Variants in MUC12 observed in about 807,000 individuals in gnomAD.
MUC12 encodes mucin 12, cell surface associated, also known as mucin-12.
In MUC12, 172 loss-of-function variants were observed where a neutral mutation model predicts 230.8. The observed-to-expected ratio is 0.75, with a 90% CI of 0.66 to 0.85. The LOEUF is 0.85. MUC12 is among the 40% of genes least tolerant of loss of function. MUC12 has a pLI of 0.00. For synonymous variants in MUC12, 1,259 were observed against 2,401.9 expected, an observed-to-expected ratio of 0.52 and a Z score of 13.91; for missense variants, 3,506 against 5,920.6, an observed-to-expected ratio of 0.59 and a Z score of 13.38.
Position 101,017,643 on chromosome 7 carries a change from A to G in MUC12, c.15946A>G (p.Thr5316Ala). 1 of 1,535,660 alleles carries G rather than the reference A, an allele frequency of 6.5e-7. No individual in the cohort carries two copies. ...CAACAACTTCCGGCCCACCCTGGAG[A>G]CTGTTGACTCTGGCACAGAGGTGAC... ...AYNNFRPTLE[T>A]VDSGTELHIQ... is the part of the protein sequence containing the mutation. The change falls in exon 11 of 12, where the codon ACT (threonine) becomes GCT (alanine). Residue 5316 changes from threonine (T) to alanine (A), a missense_variant. Thr to Ala is a moderately conservative substitution (Grantham distance 58, BLOSUM62 0). Transcript: ENST00000536621.
rs1288171785 is a variant in MUC12, at chr7:100,995,717, C to T, written c.5154C>T (p.Gly1718=). The T allele has an allele frequency of 2.6e-6, 4 of 1,536,430 alleles. No homozygotes were observed. Among genetic ancestry groups the T allele is most frequent in the Middle Eastern group, 1.7e-4 (1 of 5,982 alleles). The change falls in exon 2 of 12, where the codon GGC becomes GGT. Residue 1718 remains glycine, a synonymous_variant. Transcript: ENST00000536621. The part of the protein sequence containing the change: ...AFVELSTTSH[G]SPSSTPTTHF... ...TTGAGCTATCTACAACCTCCCACGG[C>T]AGCCCGAGCTCAACTCCAACAACCC...
chr7:100,992,226 A>T lies in MUC12; in HGVS notation c.1663A>T (p.Ser555Cys), dbSNP rs1338914025. The T allele has an allele frequency of 6.5e-7, 1 of 1,537,286 alleles. No homozygotes were observed. The highest frequency in any genetic ancestry group is 2.0e-5 in the Admixed American group (1 of 50,976). Residue 555 changes from serine (S) to cysteine (C), a missense_variant, in exon 2 of 12, where the codon AGC (serine) becomes TGC (cysteine). Transcript: ENST00000536621. ...LSQESTASHSSPGPTDTTLSP... is the reference protein window; with the variant it reads ...LSQESTASHSCPGPTDTTLSP... ...TCAGGAATCTACAGCTTCCCACAGC[A>T]GCCCAGGCCCCACAGACACAACATT...
At chr7:100,970,126 G>A (rs1400478499) in intron 1 of MUC12, among the ~76,000 whole-genome samples, 1 of 152,308 alleles carries the variant, frequency 6.6e-6, no homozygotes, top group African/African-American at 2.4e-5. Flanking sequence ...GTCCAGAGGG[G>A]TGTGTGACAG....
In MUC12 at chr7:100,991,968, C is replaced by A; in HGVS notation, c.1405C>A (p.Pro469Thr). 2.0e-6 allele frequency: 3 copies of A among 1,537,956 alleles called. No homozygotes were observed. Among genetic ancestry groups the A allele is most frequent in the Non-Finnish European group, 2.6e-6 (3 of 1,147,078 alleles). ...SVLVGDSTPS[P>T]ISSGSMETTA... Reference sequence around the variant, plus strand: ...TCTTGTTGGAGACTCGACGCCCTCACCCATCAGTTCAGGCTCAATGGAAAC... The same window carrying A: ...TCTTGTTGGAGACTCGACGCCCTCAACCATCAGTTCAGGCTCAATGGAAAC... The change falls in exon 2 of 12, where the codon CCC becomes ACC. Residue 469 changes from proline to threonine, a missense_variant. Coordinates refer to ENST00000536621, the MANE Select transcript of MUC12 (RefSeq NM_001164462.2).
chr7:101,016,704 G>T (rs966354529), intron 10 of MUC12, among the ~76,000 whole-genome samples: 1 of 140,180 alleles, frequency 7.1e-6, no homozygotes, highest in African/African-American at 2.6e-5. Flanking sequence ...GGGGGTGGGG[G>T]GAGGGAGAGG....
At chr7:100,985,697 G>A (rs1401955032) in intron 1 of MUC12, among the ~76,000 whole-genome samples, 1 of 152,140 alleles carries the variant, frequency 6.6e-6, no homozygotes, top group Non-Finnish European at 1.5e-5. Flanking sequence ...TTTTCCTGTG[G>A]GTGCAGAAAG....
At position 101,004,509 on chromosome 7, in the gene MUC12, C is replaced by G. The variant is rs1182174057; in HGVS notation, c.13946C>G (p.Ser4649Cys). The G allele has an allele frequency of 3.9e-6, 6 of 1,535,492 alleles. No individual in the cohort carries two copies. Among genetic ancestry groups the G allele is most frequent in the Non-Finnish European group, 5.2e-6 (6 of 1,146,352 alleles). ...ATATCTTCACCTCCTAGCACCACAT[C>G]TGCCCTTGTTGAAGAACCTACCAGC... ...HTISSPPSTT[S>C]ALVEEPTSYH... Residue 4649 changes from serine (S) to cysteine (C), a missense_variant, in exon 2 of 12, where the codon TCT becomes TGT. Coordinates refer to ENST00000536621, the MANE Select transcript of MUC12 (RefSeq NM_001164462.2).
Position 101,014,026 on chromosome 7 carries a change from T to C in MUC12, c.15752T>C (p.Leu5251Ser), listed in dbSNP as rs777830151. The change falls in exon 9 of 12, where the codon TTG (leucine) becomes TCG (serine). Residue 5251 changes from leucine (L) to serine (S), a missense_variant. Physicochemically the swap from Leu to Ser is moderately radical, Grantham distance 145. Coordinates refer to ENST00000536621, the MANE Select transcript of MUC12 (RefSeq NM_001164462.2). ...GTGATGGCGGTGCTGCTGCTCGCATTGATCATCCTAATCATCTTATTCAGC... is the reference window on the plus strand; with the variant it reads ...GTGATGGCGGTGCTGCTGCTCGCATCGATCATCCTAATCATCTTATTCAGC... Reference protein sequence around the residue: ...GAVMAVLLLALIILIILFSLS... With the variant: ...GAVMAVLLLASIILIILFSLS... 3.3e-6 allele frequency: 5 copies of C among 1,536,878 alleles called. No homozygotes were observed. The South Asian group carries it at 4.8e-5, about 15-fold the overall frequency.
Position 101,004,692 on chromosome 7 carries a change from A to C in MUC12, c.14129A>C (p.Glu4710Ala). ...TTTACTACCTCAGGCCGCATTGCAG[A>C]ATCTACCACCTTCTATATCTCTCCA... ...AHFTTSGRIA[E>A]STTFYISPGS... Residue 4710 changes from glutamate (E) to alanine (A), a missense_variant, in exon 2 of 12, where the codon GAA (glutamate) becomes GCA (alanine). Coordinates refer to ENST00000536621, the MANE Select transcript of MUC12 (RefSeq NM_001164462.2). 5 of 1,537,906 alleles carry C rather than the reference A, an allele frequency of 3.3e-6. No individual in the cohort carries two copies. Among genetic ancestry groups the C allele is most frequent in the Non-Finnish European group, 4.4e-6 (5 of 1,147,056 alleles).
intron 5 of MUC12, among the ~76,000 whole-genome samples, chr7:101,010,921 A>T (rs565325847): frequency 1.9e-4 from 29 of 152,180 alleles, no homozygotes; most frequent in Non-Finnish European, 4.0e-4. Flanking sequence ...AATTGCTGGG[A>T]TTACAAGCGT....
rs1793300380 is a variant in MUC12 at position 100,991,508 on chromosome 7, C to A, written c.945C>A (p.Thr315=). ...GCAGCCCGAGCTCAACTCCAACAAC[C>A]CACTTTTCTGCCAGCTCCACAACCT... ...YHSSPSSTPT[T]HFSASSTTLG... Residue 315 remains threonine (T), a synonymous_variant, in exon 2 of 12, where the codon ACC becomes ACA. Transcript: ENST00000536621. The A allele has an allele frequency of 5.2e-6, 8 of 1,536,832 alleles. No homozygotes were observed. The highest frequency in any genetic ancestry group is 7.0e-6 in the Non-Finnish European group (8 of 1,146,470).
At chr7:101,009,984 T>G (rs1793816161) in intron 5 of MUC12, among the ~76,000 whole-genome samples, 4 of 152,174 alleles carry the variant, frequency 2.6e-5, no homozygotes, top group Admixed American at 2.0e-4. Flanking sequence ...TCAGTCTGGC[T>G]GTAGGGTAGA....
chr7:101,005,314 A>T lies in MUC12; in HGVS notation c.14751A>T (p.Thr4917=). The T allele has an allele frequency of 6.5e-7, 1 of 1,537,800 alleles. No individual in the cohort carries two copies. The highest frequency in any genetic ancestry group is 8.7e-7 in the Non-Finnish European group (1 of 1,147,026). The change falls in exon 2 of 12, where the codon ACA becomes ACT. Residue 4917 remains threonine (T), a synonymous_variant. Transcript: ENST00000536621. ...AFHSSSDATG[T]TPLPARSTAS... ...ACAGCAGCTCAGACGCAACTGGAAC[A>T]ACACCCTTACCTGCCCGCTCCACAG...
chr7:100,973,806 G>A (rs1287313426), intron 1 of MUC12, among the ~76,000 whole-genome samples: 1 of 152,052 alleles, frequency 6.6e-6, no homozygotes, highest in African/African-American at 2.4e-5. Context: ...TATAATCCCA[G>A]TGCTTTGGGA....
chr7:100,993,146 G>C lies in MUC12; in HGVS notation c.2583G>C (p.Thr861=), dbSNP rs1042246632. The C allele has an allele frequency of 7.0e-7, 1 of 1,427,196 alleles. No homozygotes were observed. The highest frequency in any genetic ancestry group is 1.9e-4 in the Middle Eastern group (1 of 5,178). The allele number at this position is 1,427,196 out of a possible 1,614,324, so 88.4% of individuals were successfully genotyped here. A position where few individuals can be genotyped will look rare whatever the true frequency, so the allele number is the denominator to read the frequency against. ...CCTCCCGCAGCCGACCAGGCTCAAC[G>C]CACACAACAGCATTCCCTGACAGCA... is the stretch of plus-strand genomic sequence containing the variant. The part of the protein sequence containing the change: ...STTSRSRPGS[T]HTTAFPDSTT... Residue 861 remains threonine (T), a synonymous_variant, in exon 2 of 12, where the codon ACG becomes ACC. Transcript: ENST00000536621.
chr7:101,008,014 C>T (rs923067361), intron 3 of MUC12, among the ~76,000 whole-genome samples: 4 of 151,510 alleles, frequency 2.6e-5, no homozygotes, highest in African/African-American at 9.7e-5. Context: ...CCGTGTTAGC[C>T]AGGATTGTCT....
Position 101,005,037 on chromosome 7 carries a change from C to T in MUC12, c.14474C>T (p.Pro4825Leu), listed in dbSNP as rs866228888. 2 of 1,537,720 alleles carry T rather than the reference C, an allele frequency of 1.3e-6. No individual in the cohort carries two copies. The highest frequency in any genetic ancestry group is 3.3e-4 in the Middle Eastern group (2 of 5,994). Residue 4825 changes from proline to leucine, a missense_variant, in exon 2 of 12, where the codon CCT (proline) becomes CTT (leucine). By Grantham distance (98) the Pro-to-Leu change is moderately conservative. Coordinates refer to ENST00000536621, the MANE Select transcript of MUC12 (RefSeq NM_001164462.2). ...TSSFAQEFTT[P>L]HSQPGSALST... ...TCTTTTGCTCAAGAATTTACCACCC[C>T]TCATAGCCAACCAGGCTCAGCTCTG...
intron 5 of MUC12, among the ~76,000 whole-genome samples, chr7:101,009,666 C>T (rs1353851090): frequency 6.6e-6 from 1 of 151,758 alleles, no homozygotes; most frequent in African/African-American, 2.4e-5. Context: ...GATCCCATCT[C>T]TACAAAAAGA....
intron 1 of MUC12, chr7:100,971,991 G>A: frequency 1.4e-6 from 1 of 692,960 alleles, no homozygotes; most frequent in South Asian, 1.5e-5. Flanking sequence ...GTGCAAAACA[G>A]TCAGAAAAAC....
Sources: allele counts gnomAD v4.1 joint callset (sites outside exome capture counted in the v4.1 genomes callset), GRCh38; gene constraint gnomAD v4.1.1; transcripts MANE v1.5; gene names NCBI Gene and HGNC (gene_info 2026-07-23, HGNC 2026-07-21).